The following NIN variants were observed in gnomAD, a reference collection of about 807,000 sequenced individuals.
NIN encodes the protein glycogen synthase kinase 3 beta-interacting protein.
In NIN, 137 loss-of-function variants were observed where a neutral mutation model predicts 257.6. That is an observed-to-expected ratio of 0.53 (90% CI 0.46 to 0.61). The LOEUF is 0.61. NIN is among the 20% of genes least tolerant of loss of function. The probability of loss-of-function intolerance (pLI) is 0.00; values close to 1 mark genes in which losing one functional copy is unlikely to be tolerated. For synonymous variants in NIN, 918 were observed against 919.8 expected, an observed-to-expected ratio of 1.00 and a Z score of 0.04; for missense variants, 2,439 against 2,501.2, an observed-to-expected ratio of 0.98 and a Z score of 0.53.
chr14:50,759,606 G>GC (rs1192477069), intron 17 of NIN, among the ~76,000 whole-genome samples: 1 of 151,862 alleles, frequency 6.6e-6, no homozygotes, highest in African/African-American at 2.4e-5. Flanking sequence ...CCATTCTCCT[G>GC]CCTCAGCCTC....
At chr14:50,746,863 T>C (rs1162130312) in intron 22 of NIN, among the ~76,000 whole-genome samples, 2 of 152,190 alleles carry the variant, frequency 1.3e-5, no homozygotes, top group Non-Finnish European at 2.9e-5. Flanking sequence ...CTTTTTTCTT[T>C]CTTTCTTTTT....
Position 50,769,139 on chromosome 14 carries a change from T to C in NIN, c.1434+1249A>G, listed in dbSNP as rs2042623746. Among the ~76,000 whole-genome samples, 2 of 152,222 alleles carry C rather than the reference T, an allele frequency of 1.3e-5. 1 individual carries two copies. The highest frequency in any genetic ancestry group is 4.1e-4 in the South Asian group (2 of 4,830). On this transcript the variant is annotated intron_variant, in intron 12 of 30. Coordinates refer to ENST00000530997, the MANE Select transcript of NIN (RefSeq NM_020921.4). ...ATAACAGCAAACATTTCACATGTAC[T>C]TATTGTTTTCCAGACACTGTATGTG...
chr14:50,772,854 G>A, intron 8 of NIN, 95 bp downstream of exon 8: 1 of 992,302 alleles, frequency 1.0e-6, no homozygotes, highest in Non-Finnish European at 1.5e-6. Flanking sequence ...TCTTTCCTTA[G>A]TATTTTGCTT....
rs200478294 is a variant in NIN, at chr14:50,777,157, G to A, written c.476-18C>T. The A allele has an allele frequency of 7.1e-6, 11 of 1,554,928 alleles. No individual in the cohort carries two copies. Among genetic ancestry groups the A allele is most frequent in the Non-Finnish European group, 9.5e-6 (11 of 1,151,982 alleles). ...TAACTGGCCTGAGAGAGAAGCATAT[G>A]TTGCACGGTTTCCAAAGGAATTGCA... On this transcript the variant is annotated intron_variant, in intron 6 of 30. Coordinates refer to ENST00000530997, the MANE Select transcript of NIN (RefSeq NM_020921.4).
intron 28 of NIN, among the ~76,000 whole-genome samples, chr14:50,734,354 A>G (rs1336845018): frequency 6.6e-6 from 1 of 152,078 alleles, no homozygotes; most frequent in Non-Finnish European, 1.5e-5. Context: ...AGCCTCCCAA[A>G]GTGCTGGGAT....
At chr14:50,788,438 G>C (rs1410667939) in intron 5 of NIN, among the ~76,000 whole-genome samples, 1 of 152,220 alleles carries the variant, frequency 6.6e-6, no homozygotes, top group African/African-American at 2.4e-5. Context: ...GTTTTCTTGA[G>C]TGGGAGATGA....
intron 9 of NIN, chr14:50,771,985 C>CAA (rs1228102345): frequency 5.0e-4 from 94 of 187,146 alleles, no homozygotes; most frequent in African/African-American, 1.9e-3. Flanking sequence ...GACTCCGTCT[C>CAA]AAAAAAAAAA....
At chr14:50,787,288 A>G (rs967445216) in intron 5 of NIN, among the ~76,000 whole-genome samples, 5 of 152,256 alleles carry the variant, frequency 3.3e-5, no homozygotes, top group Non-Finnish European at 7.3e-5. Flanking sequence ...AATTGTATTA[A>G]TTGCACAACC....
chr14:50,798,766 C>T (rs962976252), intron 4 of NIN, among the ~76,000 whole-genome samples: 5 of 152,196 alleles, frequency 3.3e-5, no homozygotes, highest in Admixed American at 1.3e-4. Flanking sequence ...GTGATGCACA[C>T]TGTCCATAGC....
chr14:50,752,468 A>G (rs777726503), intron 21 of NIN, 50 bp downstream of exon 21: 3 of 1,351,642 alleles, frequency 2.2e-6, no homozygotes, highest in South Asian at 2.5e-5. Context: ...CATTTCTTCT[A>G]TTTCTTGGGA....
intron 18 of NIN, among the ~76,000 whole-genome samples, chr14:50,756,030 G>A (rs114172701): frequency 0.012 from 1,873 of 151,832 alleles, 43 homozygotes; most frequent in African/African-American, 0.042. Flanking sequence ...AAACTATAAA[G>A]ACAGAACATT....
At chr14:50,783,873 G>A (rs1471537698) in intron 5 of NIN, among the ~76,000 whole-genome samples, 1 of 152,126 alleles carries the variant, frequency 6.6e-6, no homozygotes, top group African/African-American at 2.4e-5. Context: ...CAGCACAGTG[G>A]AAGCCTGGCA....
intron 29 of NIN, among the ~76,000 whole-genome samples, chr14:50,728,335 G>A (rs2040516046): frequency 6.6e-6 from 1 of 152,168 alleles, no homozygotes; most frequent in South Asian, 2.1e-4. Context: ...GAAGAGGTAT[G>A]TATAAAGCTT....
intron 6 of NIN, 71 bp downstream of exon 6, chr14:50,778,694 G>T: frequency 7.3e-7 from 1 of 1,361,454 alleles, no homozygotes; most frequent in South Asian, 1.2e-5. Flanking sequence ...TAAGAGATCA[G>T]AAAGACCGGG....
At position 50,752,518 on chromosome 14, in the gene NIN, C is replaced by G. The variant is rs776581628; in HGVS notation, c.4950G>C (p.Gln1650His). ...GCTGTCAGGTGGCTACAGGCCATAC[C>G]TGCACTTTACAACGTTCCAGTTCTT... ...LKEELERCKV[Q>H]SSTLVSSLEA... Residue 1650 changes from glutamine (Q) to histidine (H), a missense_variant and splice_region_variant, in exon 21 of 31, where the codon CAG (glutamine) becomes CAC (histidine). Physicochemically the swap from Gln to His is conservative, Grantham distance 24. Around this residue, in one of 3 missense-constraint regions of NIN, gnomAD observed 2,043 missense variants for 2,050.2 expected, o/e 1.00. Coordinates refer to ENST00000530997, the MANE Select transcript of NIN (RefSeq NM_020921.4). 1 of 1,612,156 alleles carries G rather than the reference C, an allele frequency of 6.2e-7. No homozygotes were observed. Among genetic ancestry groups the G allele is most frequent in the Non-Finnish European group, 8.5e-7 (1 of 1,178,686 alleles).
intron 22 of NIN, among the ~76,000 whole-genome samples, chr14:50,746,485 C>A (rs946432823): frequency 6.6e-6 from 1 of 152,056 alleles, no homozygotes; most frequent in African/African-American, 2.4e-5. Flanking sequence ...TTTTATAATG[C>A]TATTAAAAAA....
intron 24 of NIN, chr14:50,742,510 C>T (rs1319050614): frequency 6.6e-6 from 1 of 152,430 alleles, no homozygotes; most frequent in Non-Finnish European, 1.5e-5. Context: ...TCTCCTGCCT[C>T]AGCCTCCCCA....
Position 50,755,101 on chromosome 14 carries a change from C to G in NIN, c.4539-234G>C, listed in dbSNP as rs528537551. Among the ~76,000 whole-genome samples, 3 of 152,278 alleles carry G rather than the reference C, an allele frequency of 2.0e-5. No homozygotes were observed. The South Asian group carries it at 6.2e-4, about 32-fold the overall frequency. The stretch of plus-strand genomic sequence containing the variant: ...GAAGTGTAGCTAAAAAACCCTTAAG[C>G]CTGGAGAAATGAATCAAGACTCAAT... On this transcript the variant is annotated intron_variant, in intron 18 of 30. Transcript: ENST00000530997.
chr14:50,823,941 C>T (rs1317689140), intron 2 of NIN, among the ~76,000 whole-genome samples: 1 of 152,208 alleles, frequency 6.6e-6, no homozygotes, highest in Non-Finnish European at 1.5e-5. Context: ...AAGGCCAACA[C>T]TTCGCTAACA....
Sources: gnomAD v4.1 joint callset for allele counts (sites outside exome capture counted in the v4.1 genomes callset) on GRCh38, gnomAD v4.1.1 for gene constraint, gnomAD v4.1.1 regional missense constraint, MANE v1.5 for transcripts, NCBI Gene and HGNC (gene_info 2026-07-23, HGNC 2026-07-21) for gene names.